DIAPH3: variants seen among roughly 807,000 people sequenced by gnomAD.
The protein encoded by DIAPH3 is diaphanous related formin 3, also known as protein diaphanous homolog 3.
In DIAPH3, 117 loss-of-function variants were observed where a neutral mutation model predicts 144.3. The observed-to-expected ratio is 0.81, with a 90% CI of 0.70 to 0.95. The LOEUF (loss-of-function observed/expected upper bound fraction) is 0.95, where lower values mean the gene tolerates loss of function less well. Among genes scored for constraint, DIAPH3 ranks in the 40% least tolerant of loss-of-function variants. The pLI is 0.00. For missense variants in DIAPH3, 1,421 were observed against 1,412.7 expected (o/e 1.01, Z -0.09); for synonymous variants, 519 against 488.9 (o/e 1.06, Z -0.81).
chr13:60,121,192 G>A (rs180896261), intron 2 of DIAPH3, among the ~76,000 whole-genome samples: 21 of 151,050 alleles, frequency 1.4e-4, no homozygotes, highest in African/African-American at 2.7e-4. Context: ...TGATAAAGTC[G>A]CAGGCCAAAT....
At chr13:60,054,081 T>C (rs2056466153) in intron 4 of DIAPH3, among the ~76,000 whole-genome samples, 1 of 152,068 alleles carries the variant, frequency 6.6e-6, no homozygotes, top group Admixed American at 6.6e-5. Flanking sequence ...ACTCACTAAA[T>C]GATACCTTAT....
intron 2 of DIAPH3, among the ~76,000 whole-genome samples, chr13:60,114,792 G>GA (rs879689467): frequency 2.0e-4 from 30 of 151,676 alleles, no homozygotes; most frequent in Middle Eastern, 3.2e-3. Context: ...ATATACACGA[G>GA]AAAAAAATGA....
At chr13:59,973,522 A>G (rs1363484429) in intron 15 of DIAPH3, among the ~76,000 whole-genome samples, 1 of 152,016 alleles carries the variant, frequency 6.6e-6, no homozygotes, top group African/African-American at 2.4e-5. Flanking sequence ...GGAGATTTTA[A>G]TTTTTTTCTA....
intron 22 of DIAPH3, among the ~76,000 whole-genome samples, chr13:59,859,559 C>T (rs1236854778): frequency 6.6e-6 from 1 of 152,010 alleles, no homozygotes; most frequent in African/African-American, 2.4e-5. Context: ...CATGTTTTTC[C>T]CCAGGAAAAA....
intron 2 of DIAPH3, among the ~76,000 whole-genome samples, chr13:60,114,291 G>C (rs1265510854): frequency 6.7e-6 from 1 of 149,360 alleles, no homozygotes; most frequent in African/African-American, 2.5e-5. Flanking sequence ...AAACACGGAT[G>C]AATTAGAAAT....
At chr13:60,146,750 T>C (rs1416444071) in intron 1 of DIAPH3, among the ~76,000 whole-genome samples, 2 of 152,198 alleles carry the variant, frequency 1.3e-5, no homozygotes, top group Admixed American at 6.5e-5. Context: ...TATAGGACTT[T>C]TAAAAGTACA....
At chr13:59,857,891 T>C (rs1444722937) in intron 22 of DIAPH3, among the ~76,000 whole-genome samples, 1 of 152,132 alleles carries the variant, frequency 6.6e-6, no homozygotes, top group Non-Finnish European at 1.5e-5. Flanking sequence ...GAAGGCTATA[T>C]AGAGATATGA....
At chr13:60,025,113 TC>T (rs2054289262) in intron 5 of DIAPH3, among the ~76,000 whole-genome samples, 1 of 152,270 alleles carries the variant, frequency 6.6e-6, no homozygotes, top group African/African-American at 2.4e-5. Flanking sequence ...CATATTTTTT[TC>T]TGCGATATTT....
intron 22 of DIAPH3, among the ~76,000 whole-genome samples, chr13:59,855,607 G>A (rs548415369): frequency 7.9e-5 from 12 of 151,660 alleles, no homozygotes; most frequent in Non-Finnish European, 1.3e-4. Context: ...TTAGTTCCCT[G>A]AGACATAAAA....
chr13:59,979,493 A>C (rs1350300917), intron 14 of DIAPH3, among the ~76,000 whole-genome samples: 1 of 151,554 alleles, frequency 6.6e-6, no homozygotes, highest in East Asian at 1.9e-4. Flanking sequence ...TCCCCCACTA[A>C]ACTAAGTCAC....
chr13:60,060,440 C>A (rs758748391), intron 4 of DIAPH3, among the ~76,000 whole-genome samples: 2 of 152,014 alleles, frequency 1.3e-5, no homozygotes, highest in Non-Finnish European at 2.9e-5. Context: ...AGCAAATATT[C>A]TCTTTTATGA....
chr13:59,795,976 T>C lies in DIAPH3; in HGVS notation c.3163+14812A>G, dbSNP rs192634050. 3.7e-4 allele frequency among the ~76,000 whole-genome samples: 56 copies of C among 152,316 alleles called. No individual in the cohort carries two copies. The East Asian group carries it at 8.3e-3, about 23-fold the overall frequency. On this transcript the variant is annotated intron_variant, in intron 25 of 27. Transcript: ENST00000400324. ...ATAAGAGGAGAAGTTGAAATTAGAT[T>C]AGTTAATTTGCTACTTCATTAACAG...
chr13:59,908,412 T>C (rs1349415962), intron 20 of DIAPH3, among the ~76,000 whole-genome samples: 3 of 145,764 alleles, frequency 2.1e-5, no homozygotes, highest in Non-Finnish European at 4.5e-5. Context: ...ATTTCCAGTA[T>C]ACAAACTATT....
intron 17 of DIAPH3, among the ~76,000 whole-genome samples, chr13:59,940,094 T>G (rs1370213656): frequency 6.6e-6 from 1 of 152,126 alleles, no homozygotes; most frequent in Non-Finnish European, 1.5e-5. Context: ...TAAACAATCT[T>G]ACCTTCAGTG....
chr13:59,904,638 G>A (rs190202549), intron 20 of DIAPH3, among the ~76,000 whole-genome samples: 1 of 151,278 alleles, frequency 6.6e-6, no homozygotes, highest in East Asian at 1.9e-4. Context: ...AAGGACCAAT[G>A]CGTCCCTAAA....
chr13:60,066,070 T>C (rs1377436612), intron 4 of DIAPH3, among the ~76,000 whole-genome samples: 3 of 152,136 alleles, frequency 2.0e-5, no homozygotes, highest in African/African-American at 7.2e-5. Context: ...TTCATAGAAG[T>C]ATAATTTTTA....
At chr13:59,754,547 G>A (rs1226392327) in intron 27 of DIAPH3, among the ~76,000 whole-genome samples, 1 of 152,114 alleles carries the variant, frequency 6.6e-6, no homozygotes, top group Non-Finnish European at 1.5e-5. Flanking sequence ...TCCTGACTCT[G>A]CCACTTAATA....
At chr13:59,731,089 T>TC (rs1288159841) in intron 27 of DIAPH3, among the ~76,000 whole-genome samples, 1 of 152,198 alleles carries the variant, frequency 6.6e-6, no homozygotes, top group Non-Finnish European at 1.5e-5. Context: ...TTCTGGGACC[T>TC]CCCTTCACTG....
chr13:59,666,700 C>A lies in DIAPH3; in HGVS notation c.3466G>T (p.Glu1156Ter). 6.2e-7 allele frequency: 1 copy of A among 1,614,104 alleles called. No homozygotes were observed. The highest frequency in any genetic ancestry group is 8.5e-7 in the Non-Finnish European group (1 of 1,180,000). The stretch of plus-strand genomic sequence containing the variant: ...CTGTTGCTTTCTACATTACACGCTT[C>A]CTTCTTCTCAGCTGCCTTGATCCTC... ...TGRIKAAEKK[E>*]ACNVESNRKK... Residue 1156 changes from glutamate to a stop codon, truncating the protein, a stop_gained, in exon 28 of 28, where the codon GAA becomes TAA. Coordinates refer to ENST00000400324, the MANE Select transcript of DIAPH3 (RefSeq NM_001042517.2). LOFTEE classifies it high-confidence loss of function.
Sources: gnomAD v4.1 joint callset for allele counts (sites outside exome capture counted in the v4.1 genomes callset) on GRCh38, gnomAD v4.1.1 for gene constraint, MANE v1.5 for transcripts, NCBI Gene and HGNC (gene_info 2026-07-23, HGNC 2026-07-21) for gene names.